Variants in ARF1 observed in about 807,000 individuals in gnomAD.
ARF1 encodes the protein ARF GTPase 1.
Under a neutral mutation model 18.0 loss-of-function variants are expected in ARF1, and 1 was observed. That is an observed-to-expected ratio of 0.06 (90% CI 0.02 to 0.26). The LOEUF (loss-of-function observed/expected upper bound fraction) is 0.26, where lower values mean the gene tolerates loss of function less well. ARF1 is among the 10% of genes least tolerant of loss of function. ARF1 has a pLI of 1.00. For synonymous variants in ARF1, 112 were observed against 96.3 expected, an observed-to-expected ratio of 1.16 and a Z score of -0.95; for missense variants, 73 against 247.2, an observed-to-expected ratio of 0.30 and a Z score of 4.73.
At chr1:228,086,360 A>G (rs1195345541) in intron 1 of ARF1, among the ~76,000 whole-genome samples, 2 of 151,960 alleles carry the variant, frequency 1.3e-5, no homozygotes, top group South Asian at 2.1e-4. Context: ...CTAAAAATAC[A>G]AAAAAATAGG....
At chr1:228,091,445 T>G (rs1482477171) in intron 1 of ARF1, among the ~76,000 whole-genome samples, 2 of 152,048 alleles carry the variant, frequency 1.3e-5, no homozygotes, top group African/African-American at 2.4e-5. Flanking sequence ...CTGAAACTTG[T>G]GTAAAAAAAA....
intron 1 of ARF1, among the ~76,000 whole-genome samples, chr1:228,091,502 G>A (rs2032575687): frequency 6.6e-6 from 1 of 152,160 alleles, no homozygotes; most frequent in African/African-American, 2.4e-5. Flanking sequence ...CCCAGAATAA[G>A]AGTTCTAGAA....
Position 228,089,234 on chromosome 1 carries a change from G to T in ARF1, c.-38+6469G>T, listed in dbSNP as rs200523113. Among the ~76,000 whole-genome samples the T allele has an allele frequency of 1.6e-4, 25 of 152,286 alleles. No individual in the cohort carries two copies. The East Asian group carries it at 4.6e-3, about 28-fold the overall frequency. On this transcript the variant is annotated intron_variant, in intron 1 of 4. Coordinates refer to ENST00000272102, the MANE Select transcript of ARF1 (RefSeq NM_001658.4). The surrounding 1 kb of genome is among the most constrained non-coding windows in gnomAD (Gnocchi z 4.1). The stretch of plus-strand genomic sequence containing the variant: ...CACCTGGAGAGCAGGGCAGATGCCA[G>T]CGTGTGTGTGAGAACTAGGTCACTT...
chr1:228,083,962 C>G (rs909877534), intron 1 of ARF1, among the ~76,000 whole-genome samples: 7 of 152,246 alleles, frequency 4.6e-5, no homozygotes, highest in African/African-American at 1.7e-4. Flanking sequence ...GTTGGTGCCA[C>G]TGCCCCTGTT....
rs1247945739 is a variant in ARF1 at position 228,099,132 on chromosome 1, T to G, written c.*1119T>G. On this transcript the variant is annotated 3_prime_UTR_variant, in exon 5 of 5. Coordinates refer to ENST00000272102, the MANE Select transcript of ARF1 (RefSeq NM_001658.4). ...ATACACGATTAGTAATCAACTGTTT[T>G]GTATACTTGTTTTCAGTTTTCATTT... 1.3e-5 allele frequency: 2 copies of G among 152,696 alleles called. No homozygotes were observed. The highest frequency in any genetic ancestry group is 1.9e-4 in the East Asian group (1 of 5,208). The allele number at this position is 152,696 out of a possible 1,614,324, so 9.5% of individuals were successfully genotyped here.
intron 1 of ARF1, among the ~76,000 whole-genome samples, chr1:228,095,100 A>G (rs1302765788): frequency 6.6e-6 from 1 of 152,046 alleles, no homozygotes; most frequent in East Asian, 1.9e-4. Flanking sequence ...CCTTCTGAGC[A>G]CCTTCATTTT....
At chr1:228,095,978 A>T (rs1221506061) in intron 1 of ARF1, among the ~76,000 whole-genome samples, 3 of 152,252 alleles carry the variant, frequency 2.0e-5, no homozygotes, top group African/African-American at 7.2e-5. Context: ...AAGGACACTG[A>T]TCCAGCTTGA....
intron 1 of ARF1, among the ~76,000 whole-genome samples, chr1:228,091,676 A>G (rs1464795887): frequency 6.6e-6 from 1 of 152,200 alleles, no homozygotes. Context: ...GCCTGTCACC[A>G]GTATCGGCAC....
chr1:228,094,897 T>C (rs1329592645), intron 1 of ARF1, among the ~76,000 whole-genome samples: 2 of 152,182 alleles, frequency 1.3e-5, no homozygotes, highest in Non-Finnish European at 2.9e-5. Flanking sequence ...GCACCTTTAT[T>C]GGGTCTCATC....
chr1:228,093,798 CGCGCCTGTAGTCCCAGCTACTCGGGAA>C (rs1394432787), intron 1 of ARF1, among the ~76,000 whole-genome samples: 4 of 151,672 alleles, frequency 2.6e-5, no homozygotes, highest in Non-Finnish European at 4.4e-5. Flanking sequence ...CGTGGTGGCA[CGCGCCTGTAGTCCCAGCTACTCGGGAA>C]GCTGAGGCAA....
At chr1:228,093,980 C>T (rs1316950856) in intron 1 of ARF1, among the ~76,000 whole-genome samples, 1 of 146,668 alleles carries the variant, frequency 6.8e-6, no homozygotes, top group African/African-American at 2.6e-5. Context: ...AAAAAAAAGC[C>T]ACCAATGGGG....
intron 1 of ARF1, among the ~76,000 whole-genome samples, chr1:228,092,261 C>T (rs1161386833): frequency 2.0e-5 from 3 of 152,104 alleles, no homozygotes; most frequent in African/African-American, 4.8e-5. Context: ...TCAGCCTGGG[C>T]AGGATAGCGA....
intron 1 of ARF1, among the ~76,000 whole-genome samples, chr1:228,092,192 T>C (rs1024285918): frequency 2.4e-4 from 36 of 152,208 alleles, no homozygotes; most frequent in Admixed American, 2.3e-3. Flanking sequence ...CTCACACACA[T>C]AGTCCCAACT....
At chr1:228,094,787 G>C (rs930702193) in intron 1 of ARF1, among the ~76,000 whole-genome samples, 3 of 152,100 alleles carry the variant, frequency 2.0e-5, no homozygotes, top group Admixed American at 2.0e-4. Context: ...ACTTTGGCTG[G>C]GTATAGAATT....
intron 1 of ARF1, among the ~76,000 whole-genome samples, chr1:228,093,346 T>A (rs1198756381): frequency 6.6e-6 from 1 of 152,094 alleles, no homozygotes; most frequent in Non-Finnish European, 1.5e-5. Context: ...CTTAGGAAAC[T>A]CTATTGGGTC....
intron 1 of ARF1, 148 bp from the exon 2 acceptor site, chr1:228,096,930 G>A (rs150507258): frequency 4.5e-6 from 3 of 661,022 alleles, no homozygotes; most frequent in Non-Finnish European, 7.2e-6. Flanking sequence ...GGTGGATTTG[G>A]GGGGCATGGG....
At position 228,089,629 on chromosome 1, in the gene ARF1, T is replaced by G. The variant is rs752092816; in HGVS notation, c.-38+6864T>G. 4.5e-4 allele frequency among the ~76,000 whole-genome samples: 68 copies of G among 152,258 alleles called. No homozygotes were observed. The highest frequency in any genetic ancestry group is 8.8e-4 in the Non-Finnish European group (60 of 68,050). ...ACTGGTGCAGCCATTGCATTAATTT[T>G]CTTTAACCTGGTGCGGAGAAGCTAC... is the stretch of plus-strand genomic sequence containing the variant. On this transcript the variant is annotated intron_variant, in intron 1 of 4. Coordinates refer to ENST00000272102, the MANE Select transcript of ARF1 (RefSeq NM_001658.4). The surrounding 1 kb of genome is among the most constrained non-coding windows in gnomAD (Gnocchi z 4.1).
At position 228,097,796 on chromosome 1, in the gene ARF1, G is replaced by A; in HGVS notation, c.385-56G>A. The A allele has an allele frequency of 6.3e-7, 1 of 1,588,786 alleles. No individual in the cohort carries two copies. Among genetic ancestry groups the A allele is most frequent in the Non-Finnish European group, 8.6e-7 (1 of 1,165,578 alleles). On this transcript the variant is annotated intron_variant, in intron 4 of 4. Transcript: ENST00000272102. This position sits in a 1 kb window ranked among gnomAD's most constrained non-coding sequence, Gnocchi z 8.1. ...TGGTAGGGGTTACTGGAGGCTGGTG[G>A]GGCCCCTTTCTCTGTCCTGTGGACA...
rs1013122804 is a variant in ARF1 at position 228,099,064 on chromosome 1, A to G, written c.*1051A>G. The G allele has an allele frequency of 2.6e-5, 4 of 152,704 alleles. No homozygotes were observed. The highest frequency in any genetic ancestry group is 9.6e-5 in the African/African-American group (4 of 41,478). 9.5% of individuals were successfully genotyped at this position (152,704 alleles called of 1,614,324 possible). A position where few individuals can be genotyped will look rare whatever the true frequency, so the allele number is the denominator to read the frequency against. On this transcript the variant is annotated 3_prime_UTR_variant, in exon 5 of 5. Coordinates refer to ENST00000272102, the MANE Select transcript of ARF1 (RefSeq NM_001658.4). Reference sequence around the variant, plus strand: ...GTTAAATTTATCTTGGGGAAACCTCAGAACTGGTCTATTTGGTGTCGTGGA... The same window carrying G: ...GTTAAATTTATCTTGGGGAAACCTCGGAACTGGTCTATTTGGTGTCGTGGA...
Sources: gnomAD v4.1 joint callset for allele counts (sites outside exome capture counted in the v4.1 genomes callset) on GRCh38, gnomAD v4.1.1 for gene constraint, Gnocchi (gnomAD v3.1) non-coding constraint, MANE v1.5 for transcripts, NCBI Gene and HGNC (gene_info 2026-07-23, HGNC 2026-07-21) for gene names.